CDK15: variants seen among roughly 807,000 people sequenced by gnomAD.
The protein encoded by CDK15 is cyclin dependent kinase 15.
CDK15 carries 62 observed loss-of-function variants against 60.3 expected under a neutral mutation model. The observed-to-expected ratio is 1.03, with a 90% CI of 0.84 to 1.27. The LOEUF (loss-of-function observed/expected upper bound fraction) is 1.27, where lower values mean the gene tolerates loss of function less well. CDK15 is among the 50% of genes most tolerant of loss of function. The pLI is 0.00. For synonymous variants in CDK15, 194 were observed against 195.7 expected, an observed-to-expected ratio of 0.99 and a Z score of 0.07; for missense variants, 541 against 527.8, an observed-to-expected ratio of 1.03 and a Z score of -0.25.
chr2:201,892,654 G>A (rs1455771594), intron 13 of CDK15, among the ~76,000 whole-genome samples: 6 of 152,202 alleles, frequency 3.9e-5, no homozygotes, highest in African/African-American at 1.2e-4. Context: ...ACTGAGATGA[G>A]CCACAAGAGG....
At chr2:201,877,950 A>T (rs1371660417) in intron 11 of CDK15, among the ~76,000 whole-genome samples, 1 of 152,250 alleles carries the variant, frequency 6.6e-6, no homozygotes, top group South Asian at 2.1e-4. Context: ...CAAGACTTCC[A>T]GCATCTCTGC....
chr2:201,807,416 TAAAG>T (rs1180053055), intron 1 of CDK15, 74 bp from the exon 2 acceptor site: 5 of 1,435,686 alleles, frequency 3.5e-6, no homozygotes, highest in Admixed American at 4.2e-5. Context: ...ATGAGGCAAA[TAAAG>T]AAAAAATGGT....
intron 3 of CDK15, among the ~76,000 whole-genome samples, chr2:201,808,504 C>T (rs140589366): frequency 2.0e-5 from 3 of 152,266 alleles, no homozygotes; most frequent in Non-Finnish European, 4.4e-5. Context: ...ACTGCTTATC[C>T]AAAAGCTAAG....
At chr2:201,815,280 G>C (rs867510074) in intron 4 of CDK15, among the ~76,000 whole-genome samples, 2 of 152,202 alleles carry the variant, frequency 1.3e-5, no homozygotes, top group South Asian at 4.2e-4. Context: ...ACAATCTTTA[G>C]AGATAGATAT....
intron 12 of CDK15, among the ~76,000 whole-genome samples, chr2:201,884,439 C>A (rs1699386977): frequency 6.6e-6 from 1 of 152,186 alleles, no homozygotes; most frequent in African/African-American, 2.4e-5. Context: ...TTTACCTCTA[C>A]CTTTGATCAC....
intron 10 of CDK15, among the ~76,000 whole-genome samples, chr2:201,866,487 C>T (rs1698638374): frequency 6.6e-6 from 1 of 152,168 alleles, no homozygotes; most frequent in South Asian, 2.1e-4. Flanking sequence ...AATTTAAATG[C>T]TCTGCTTTAT....
chr2:201,841,047 C>T (rs1697354596), intron 8 of CDK15, among the ~76,000 whole-genome samples: 1 of 152,130 alleles, frequency 6.6e-6, no homozygotes, highest in African/African-American at 2.4e-5. Flanking sequence ...TTCATATTTT[C>T]CATTTCCTTA....
chr2:201,808,043 T>C (rs1262560649), intron 3 of CDK15, 91 bp downstream of exon 3: 2 of 1,082,350 alleles, frequency 1.8e-6, no homozygotes, highest in East Asian at 2.4e-5. Flanking sequence ...ATCATAGAAG[T>C]TCATAGCACT....
At chr2:201,849,275 A>G (rs1175295299) in intron 9 of CDK15, among the ~76,000 whole-genome samples, 2 of 152,250 alleles carry the variant, frequency 1.3e-5, no homozygotes, top group African/African-American at 4.8e-5. Context: ...TTCCTGTCCC[A>G]TACAAATTGT....
At chr2:201,858,235 T>C (rs547642596) in intron 10 of CDK15, among the ~76,000 whole-genome samples, 10 of 152,338 alleles carry the variant, frequency 6.6e-5, no homozygotes, top group Non-Finnish European at 1.3e-4. Flanking sequence ...GGAGCTTTGA[T>C]GAGCAGGGTT....
intron 10 of CDK15, among the ~76,000 whole-genome samples, chr2:201,860,179 G>A (rs1437632677): frequency 9.9e-5 from 15 of 152,138 alleles, no homozygotes; most frequent in Admixed American, 9.8e-4. Context: ...TAGCATTAAT[G>A]TACTGCTGGG....
chr2:201,866,360 C>T (rs539201346), intron 10 of CDK15, among the ~76,000 whole-genome samples: 102 of 152,086 alleles, frequency 6.7e-4, no homozygotes, highest in African/African-American at 2.4e-3. Context: ...ACTAAGGTTA[C>T]CAGATTTGAA....
intron 4 of CDK15, among the ~76,000 whole-genome samples, chr2:201,817,730 T>C (rs1428363068): frequency 6.6e-6 from 1 of 152,210 alleles, no homozygotes; most frequent in African/African-American, 2.4e-5. Flanking sequence ...GTAGGCCTGG[T>C]TGACAGAAAG....
intron 10 of CDK15, chr2:201,861,607 C>T: frequency 1.2e-6 from 1 of 861,372 alleles, no homozygotes; most frequent in Non-Finnish European, 1.4e-6. Flanking sequence ...GTCACCCAGG[C>T]TGGAGTGCAG....
At chr2:201,862,944 A>G (rs1306298364) in intron 10 of CDK15, among the ~76,000 whole-genome samples, 11 of 152,106 alleles carry the variant, frequency 7.2e-5, no homozygotes, top group Admixed American at 3.9e-4. Context: ...GCCTGGCGAC[A>G]TATTTCAGGA....
At chr2:201,816,458 T>TTTG (rs1224067379) in intron 4 of CDK15, among the ~76,000 whole-genome samples, 6 of 14,652 alleles carry the variant, frequency 4.1e-4, no homozygotes, top group Non-Finnish European at 1.2e-3. Context: ...GGAAATGGTT[T>TTTG]TTTTTTTTTT....
intron 10 of CDK15, among the ~76,000 whole-genome samples, chr2:201,865,133 G>A (rs906116698): frequency 6.6e-6 from 1 of 152,196 alleles, no homozygotes; most frequent in Non-Finnish European, 1.5e-5. Flanking sequence ...TGGGTTCCAT[G>A]CCTGTGTATT....
At chr2:201,864,657 T>G (rs1698539571) in intron 10 of CDK15, among the ~76,000 whole-genome samples, 1 of 152,074 alleles carries the variant, frequency 6.6e-6, no homozygotes, top group African/African-American at 2.4e-5. Context: ...GAGCTTGGCC[T>G]CCCAAAGTGC....
chr2:201,836,152 TTTTATATA>T (rs373607477), intron 8 of CDK15, among the ~76,000 whole-genome samples: 55,658 of 103,032 alleles, frequency 0.54, 16,187 homozygotes, highest in Non-Finnish European at 0.63. Flanking sequence ...ATTATATATA[TTTTATATA>T]TTTATATATT....
Sources: gnomAD v4.1 joint callset for allele counts (sites outside exome capture counted in the v4.1 genomes callset) on GRCh38, gnomAD v4.1.1 for gene constraint, MANE v1.5 for transcripts, NCBI Gene and HGNC (gene_info 2026-07-23, HGNC 2026-07-21) for gene names.